The following EYS variants were observed in gnomAD, a reference collection of about 807,000 sequenced individuals.
EYS encodes the protein protein eyes shut homolog.
A neutral mutation model predicts 282.1 loss-of-function variants in EYS; 250 were observed. The observed-to-expected ratio is 0.89, with a 90% CI of 0.80 to 0.98. The LOEUF is 0.98. Ranked by LOEUF, EYS falls within the 50% of genes least tolerant of loss-of-function variation. The pLI is 0.00. For synonymous variants in EYS, 1,355 were observed against 1,282.9 expected, an observed-to-expected ratio of 1.06 and a Z score of -1.20; for missense variants, 4,016 against 3,709.0, an observed-to-expected ratio of 1.08 and a Z score of -2.15.
intron 36 of EYS, among the ~76,000 whole-genome samples, chr6:63,823,344 A>G (rs979185266): frequency 9.2e-5 from 14 of 152,180 alleles, no homozygotes; most frequent in Non-Finnish European, 1.6e-4. Flanking sequence ...ATACGATGAA[A>G]TACTTACAAA....
At chr6:65,140,481 A>G (rs1331360464) in intron 12 of EYS, among the ~76,000 whole-genome samples, 1 of 152,008 alleles carries the variant, frequency 6.6e-6, no homozygotes, top group East Asian at 1.9e-4. Flanking sequence ...ATTTAAAGAA[A>G]TAATGGCAGA....
At chr6:65,618,038 C>T (rs1211461115) in intron 2 of EYS, among the ~76,000 whole-genome samples, 1 of 152,118 alleles carries the variant, frequency 6.6e-6, no homozygotes, top group Non-Finnish European at 1.5e-5. Context: ...TTTATAGCAG[C>T]ATGATTTATA....
intron 41 of EYS, among the ~76,000 whole-genome samples, chr6:63,736,027 A>G (rs1368485347): frequency 6.6e-6 from 1 of 152,186 alleles, no homozygotes; most frequent in African/African-American, 2.4e-5. Context: ...TATTGAGCAG[A>G]TGATCAAATA....
intron 36 of EYS, among the ~76,000 whole-genome samples, chr6:63,833,060 T>C (rs1307616900): frequency 3.3e-5 from 5 of 152,110 alleles, no homozygotes; most frequent in South Asian, 4.1e-4. Context: ...ATTGATGGGA[T>C]GTATCTCAAA....
At chr6:65,665,454 C>G (rs1373848255) in intron 1 of EYS, among the ~76,000 whole-genome samples, 1 of 152,058 alleles carries the variant, frequency 6.6e-6, no homozygotes, top group African/African-American at 2.4e-5. Flanking sequence ...AATTCCTACA[C>G]AGTAAAATAG....
intron 2 of EYS, among the ~76,000 whole-genome samples, chr6:65,624,722 G>T: frequency 6.6e-6 from 1 of 152,312 alleles, no homozygotes; most frequent in East Asian, 1.9e-4. Context: ...TTCTGTGCTG[G>T]ATGGTTCCTG....
chr6:64,326,119 T>C (rs904402808), intron 29 of EYS, among the ~76,000 whole-genome samples: 7 of 151,272 alleles, frequency 4.6e-5, no homozygotes, highest in Non-Finnish European at 8.8e-5. Flanking sequence ...GAAGAAGGAA[T>C]TAATGAAATA....
At chr6:65,627,332 A>G (rs933867332) in intron 2 of EYS, among the ~76,000 whole-genome samples, 10 of 152,094 alleles carry the variant, frequency 6.6e-5, no homozygotes, top group African/African-American at 2.4e-4. Flanking sequence ...TGATGGTTGC[A>G]TTTGTAATGG....
chr6:64,915,969 C>T (rs888771556), intron 15 of EYS, among the ~76,000 whole-genome samples: 1 of 151,816 alleles, frequency 6.6e-6, no homozygotes, highest in African/African-American at 2.4e-5. Context: ...TTTCTTTAAA[C>T]ATTTTGTGAA....
intron 22 of EYS, among the ~76,000 whole-genome samples, chr6:64,792,696 C>A (rs1774227668): frequency 6.6e-6 from 1 of 151,894 alleles, no homozygotes; most frequent in Admixed American, 6.6e-5. Flanking sequence ...CAGCATGTAC[C>A]CGTGTCCAAA....
In EYS at chr6:64,155,793, A is replaced by G. The variant is rs151109220; in HGVS notation, c.6425-73791T>C. ...TGGATTTTGATTTTTAAAATATTGCATTGTATTACAATATTATTTATCTTG... is the reference window on the plus strand; with the variant it reads ...TGGATTTTGATTTTTAAAATATTGCGTTGTATTACAATATTATTTATCTTG... On this transcript the variant is annotated intron_variant, in intron 31 of 42. Coordinates refer to ENST00000503581, the MANE Select transcript of EYS (RefSeq NM_001142800.2). Among the ~76,000 whole-genome samples the G allele has an allele frequency of 7.7e-4, 117 of 152,150 alleles. 1 individual carries two copies. Among genetic ancestry groups the G allele is most frequent in the African/African-American group, 2.6e-3 (107 of 41,510 alleles).
At chr6:64,886,958 A>AT in intron 18 of EYS, 116 bp from the exon 19 acceptor site, 4 of 694,726 alleles carry the variant, frequency 5.8e-6, no homozygotes, top group Non-Finnish European at 8.8e-6. Flanking sequence ...AATAAATAAT[A>AT]TATGTATTTC....
chr6:65,647,923 T>C (rs1472084843), intron 1 of EYS, among the ~76,000 whole-genome samples: 2 of 152,082 alleles, frequency 1.3e-5, no homozygotes, highest in African/African-American at 2.4e-5. Flanking sequence ...AGCAAACATA[T>C]AGAACAATGC....
chr6:64,741,051 T>A (rs370777908), intron 22 of EYS, among the ~76,000 whole-genome samples: 1 of 152,226 alleles, frequency 6.6e-6, no homozygotes, highest in East Asian at 1.9e-4. Flanking sequence ...ATGAATCCTT[T>A]TCAGAAGGTT....
chr6:65,226,648 A>T (rs1230975757), intron 12 of EYS, among the ~76,000 whole-genome samples: 4 of 152,234 alleles, frequency 2.6e-5, no homozygotes, highest in Admixed American at 1.3e-4. Context: ...CTGTGGAAAC[A>T]TTATGACCTT....
intron 42 of EYS, 29 bp from the exon 43 acceptor site, chr6:63,721,826 T>G: frequency 1.3e-6 from 2 of 1,517,900 alleles, no homozygotes; most frequent in Non-Finnish European, 1.8e-6. Flanking sequence ...TAAGTTTGAT[T>G]AGCAACAGTA....
chr6:64,011,132 A>G (rs1768602550), intron 33 of EYS, among the ~76,000 whole-genome samples: 1 of 152,086 alleles, frequency 6.6e-6, no homozygotes, highest in South Asian at 2.1e-4. Context: ...ATGTACTCTT[A>G]CCTTCTTTGC....
intron 41 of EYS, among the ~76,000 whole-genome samples, chr6:63,758,194 C>T (rs1769539853): frequency 6.6e-6 from 1 of 152,168 alleles, no homozygotes; most frequent in Non-Finnish European, 1.5e-5. Flanking sequence ...TGAGCTACTG[C>T]ACCTGGCTGA....
At chr6:65,161,912 A>T (rs1363682104) in intron 12 of EYS, among the ~76,000 whole-genome samples, 1 of 151,188 alleles carries the variant, frequency 6.6e-6, no homozygotes, top group Non-Finnish European at 1.5e-5. Context: ...ATAAATTGAA[A>T]TATTTTTAGT....
Sources: allele counts gnomAD v4.1 joint callset (sites outside exome capture counted in the v4.1 genomes callset), GRCh38; gene constraint gnomAD v4.1.1; transcripts MANE v1.5; gene names NCBI Gene and HGNC (gene_info 2026-07-23, HGNC 2026-07-21).